Variants in FLG observed in about 807,000 individuals in gnomAD.
FLG encodes the protein filaggrin, also known as epidermal filaggrin.
FLG carries 6 observed loss-of-function variants against 3.8 expected under a neutral mutation model. The ratio of observed to expected loss-of-function variants is 1.60; its 90% CI spans 0.87 to 3.15. The LOEUF (loss-of-function observed/expected upper bound fraction) is 3.15, where lower values mean the gene tolerates loss of function less well. FLG is among the 30% of genes most tolerant of loss of function. The pLI is 0.00. For synonymous variants in FLG, 2,551 were observed against 1,931.6 expected (o/e 1.32, Z -8.41); for missense variants, 7,595 against 5,050.9 (o/e 1.50, Z -15.27).
Position 152,314,775 on chromosome 1 carries a change from A to T in FLG, c.139-28T>A, listed in dbSNP as rs556436445. On this transcript the variant is annotated intron_variant, in intron 2 of 2. Coordinates refer to ENST00000368799, the MANE Select transcript of FLG (RefSeq NM_002016.2). ...GTACAGAGGGAAGTCACAGAGGGAG[A>T]CTGCATCAGACAGAATCACATTATC... is the stretch of plus-strand genomic sequence containing the variant. 7.4e-6 allele frequency: 12 copies of T among 1,613,506 alleles called. No homozygotes were observed. In the South Asian group the frequency reaches 1.3e-4, roughly 18 times the overall value.
chr1:152,305,378 G>A lies in FLG; in HGVS notation c.9508C>T (p.Gln3170Ter). 1 of 1,607,988 alleles carries A rather than the reference G, an allele frequency of 6.2e-7. No individual in the cohort carries two copies. The highest frequency in any genetic ancestry group is 1.1e-5 in the South Asian group (1 of 90,318). The part of the protein sequence containing the change: ...SASRTTRNEE[Q>*]SGDSSRHSVS... ...GAGTGCCTGGAGCTGTCTCCTGATT[G>A]TTCCTCATTACGTGTTGTTCTGCTT... The change falls in exon 3 of 3, where the codon CAA becomes TAA. Residue 3170 changes from glutamine (Q) to a stop codon, truncating the protein, a stop_gained. Coordinates refer to ENST00000368799, the MANE Select transcript of FLG (RefSeq NM_002016.2). LOFTEE classifies it low-confidence loss of function (END_TRUNC).
rs1652679318 is a variant in FLG, at chr1:152,314,218, A to G, written c.668T>C (p.Met223Thr). 1 of 1,613,634 alleles carries G rather than the reference A, an allele frequency of 6.2e-7. No individual in the cohort carries two copies. The highest frequency in any genetic ancestry group is 1.1e-5 in the South Asian group (1 of 91,076). The change falls in exon 3 of 3, where the codon ATG becomes ACG. Residue 223 changes from methionine (M) to threonine (T), a missense_variant. Transcript: ENST00000368799. ...GVYDYENTGR[M>T]TQKWIQSGHI... is the part of the protein sequence containing the mutation. ...GCCTGATTGTATCCATTTTTGAGTC[A>G]TTCTTCCTGTATTTTCATAATCATA...
Position 152,311,467 on chromosome 1 carries a change from C to G in FLG, c.3419G>C (p.Arg1140Pro), listed in dbSNP as rs146853599. ...CTGCTCGTGGTGGGATCCTTGTCTT[C>G]GTCCAGTGCTGGTCCTGGTCCGCCC... ...AHGRTRTSTG[R>P]RQGSHHEQAR... Residue 1140 changes from arginine to proline, a missense_variant, in exon 3 of 3, where the codon CGA becomes CCA. By Grantham distance (103) the Arg-to-Pro change is moderately radical. Transcript: ENST00000368799. 1.6e-4 allele frequency: 260 copies of G among 1,613,828 alleles called. 1 individual carries two copies. In the African/African-American group the frequency reaches 3.1e-3, roughly 19 times the overall value.
rs1194399233 is a variant in FLG, at chr1:152,309,525, T to C, written c.5361A>G (p.Gly1787=). The C allele has an allele frequency of 2.3e-5, 37 of 1,613,714 alleles. 1 individual carries two copies. In the East Asian group the frequency reaches 7.8e-4, roughly 34 times the overall value. Residue 1787 remains glycine, a synonymous_variant, in exon 3 of 3, where the codon GGA becomes GGG. Coordinates refer to ENST00000368799, the MANE Select transcript of FLG (RefSeq NM_002016.2). ...SAHGRTGPST[G]GRQRSRHEQA... ...GCTCGTGGCGGGATCTTTGTCTTCCTCCAGTGCTGGGCCCTGTGCGTCCAT... is the reference window on the plus strand; with the variant it reads ...GCTCGTGGCGGGATCTTTGTCTTCCCCCAGTGCTGGGCCCTGTGCGTCCAT...
rs201688513 is a variant in FLG, at chr1:152,310,140, C to T, written c.4746G>A (p.Ala1582=). ...CCTGGCGCCTGCTTGTCTTGGACCC[C>T]GCTGATTCTCCCTGGCCCACCTGTG... ...RHSQVGQGES[A]GSKTSRRQGS... Residue 1582 remains alanine (A), a synonymous_variant, in exon 3 of 3, where the codon GCG becomes GCA. Transcript: ENST00000368799. The T allele has an allele frequency of 1.2e-4, 199 of 1,613,844 alleles. 1 individual carries two copies. Among genetic ancestry groups the T allele is most frequent in the Non-Finnish European group, 1.6e-4 (188 of 1,179,966 alleles).
chr1:152,309,078 C>A lies in FLG; in HGVS notation c.5808G>T (p.Gly1936=), dbSNP rs139181284. ...ATCCAAGATGGTTTCTGGAAGCAGA[C>A]CCAGACCACCTCTCAGAGTCTTCTG... ...GHSEDSERWS[G]SASRNHLGSA... is the part of the protein sequence containing the mutation. The change falls in exon 3 of 3, where the codon GGG becomes GGT. Residue 1936 remains glycine, a synonymous_variant. Coordinates refer to ENST00000368799, the MANE Select transcript of FLG (RefSeq NM_002016.2). 5.6e-6 allele frequency: 9 copies of A among 1,614,000 alleles called. No homozygotes were observed. In the Admixed American group the frequency reaches 8.3e-5, roughly 15 times the overall value.
rs748518677 is a variant in FLG, at chr1:152,310,203, G to A, written c.4683C>T (p.His1561=). 2.5e-6 allele frequency: 4 copies of A among 1,613,592 alleles called. No individual in the cohort carries two copies. In the African/African-American group the frequency reaches 4.0e-5, roughly 16 times the overall value. The change falls in exon 3 of 3, where the codon CAC becomes CAT. Residue 1561 remains histidine, a synonymous_variant. Coordinates refer to ENST00000368799, the MANE Select transcript of FLG (RefSeq NM_002016.2). Reference sequence around the variant, plus strand: ...TGCCGGCCCGAGTGGAAGGTTCATGGTGACGTGACCCTGAGTGCCTGGAGC... The same window carrying A: ...TGCCGGCCCGAGTGGAAGGTTCATGATGACGTGACCCTGAGTGCCTGGAGC... ...GDGSRHSGSR[H]HEPSTRAGSS...
rs529239965 is a variant in FLG at position 152,310,187 on chromosome 1, G to T, written c.4699C>A (p.Arg1567=). 3 of 1,613,644 alleles carry T rather than the reference G, an allele frequency of 1.9e-6. No individual in the cohort carries two copies. The highest frequency in any genetic ancestry group is 1.3e-5 in the African/African-American group (1 of 74,794). ...SGSRHHEPST[R]AGSSRHSQVG... ...TGTGAGTGTCTAGAGCTGCCGGCCC[G>T]AGTGGAAGGTTCATGGTGACGTGAC... The change falls in exon 3 of 3, where the codon CGG becomes AGG. Residue 1567 remains arginine, a synonymous_variant. Transcript: ENST00000368799.
chr1:152,310,611 C>A lies in FLG; in HGVS notation c.4275G>T (p.Glu1425Asp). The A allele has an allele frequency of 6.2e-7, 1 of 1,613,980 alleles. No individual in the cohort carries two copies. Among genetic ancestry groups the A allele is most frequent in the Non-Finnish European group, 8.5e-7 (1 of 1,179,996 alleles). ...TTTCCCCTGACTGGCCACGTGCGGA[C>A]TCTTTGTGGCTCTGCTGATGGGGCC... ...QAGPHQQSHK[E>D]SARGQSGESS... The change falls in exon 3 of 3, where the codon GAG becomes GAT. Residue 1425 changes from glutamate (E) to aspartate (D), a missense_variant. Physicochemically the swap from Glu to Asp is conservative, Grantham distance 45. Coordinates refer to ENST00000368799, the MANE Select transcript of FLG (RefSeq NM_002016.2).
In FLG at chr1:152,309,687, T is replaced by C. The variant is rs368391321; in HGVS notation, c.5199A>G (p.Ser1733=). The change falls in exon 3 of 3, where the codon TCA becomes TCG. Residue 1733 remains serine (S), a synonymous_variant. Coordinates refer to ENST00000368799, the MANE Select transcript of FLG (RefSeq NM_002016.2). The stretch of plus-strand genomic sequence containing the variant: ...GCCCAGCCTGTCCGTGGGCTGACAC[T>C]GACTGTGTGTCTGACTCTTCTGAGT... The part of the protein sequence containing the change: ...EGHSEESDTQ[S]VSAHGQAGPH... The C allele has an allele frequency of 1.2e-6, 2 of 1,613,936 alleles. No individual in the cohort carries two copies. The highest frequency in any genetic ancestry group is 2.7e-5 in the African/African-American group (2 of 75,000).
rs140963101 is a variant in FLG at position 152,311,611 on chromosome 1, T to G, written c.3275A>C (p.Asp1092Ala). Residue 1092 changes from aspartate to alanine, a missense_variant, in exon 3 of 3, where the codon GAT becomes GCT. Coordinates refer to ENST00000368799, the MANE Select transcript of FLG (RefSeq NM_002016.2). ...DTQSVSGHGQ[D>A]GPHQQSHQES... ...TTGGTGGCTCTGCTGATGGGGCCCA[T>G]CCTGTCCATGGCCTGACACTGACTG... 2.3e-4 allele frequency: 370 copies of G among 1,613,892 alleles called. 2 individuals are homozygous for G. The highest frequency in any genetic ancestry group is 1.6e-3 in the African/African-American group (122 of 74,980).
chr1:152,311,093 G>C lies in FLG; in HGVS notation c.3793C>G (p.His1265Asp). 1 of 1,613,896 alleles carries C rather than the reference G, an allele frequency of 6.2e-7. No homozygotes were observed. Among genetic ancestry groups the C allele is most frequent in the Non-Finnish European group, 8.5e-7 (1 of 1,179,968 alleles). Residue 1265 changes from histidine to aspartate, a missense_variant, in exon 3 of 3, where the codon CAC becomes GAC. Transcript: ENST00000368799. ...EQSSGSRTSR[H>D]QGSSVSQDSD... ...TCCTGGCTAACACTGGATCCCTGGT[G>C]CCTGCTTGTCCTGGACCCCGATGAT...
In FLG at chr1:152,311,768, A is replaced by C. The variant is rs1652446655; in HGVS notation, c.3118T>G (p.Ser1040Ala). 1.9e-6 allele frequency: 3 copies of C among 1,613,976 alleles called. No individual in the cohort carries two copies. The highest frequency in any genetic ancestry group is 1.6e-4 in the Middle Eastern group (1 of 6,062). Residue 1040 changes from serine (S) to alanine (A), a missense_variant, in exon 3 of 3, where the codon TCA becomes GCA. Coordinates refer to ENST00000368799, the MANE Select transcript of FLG (RefSeq NM_002016.2). ...CCTGAGTGTCTGGAGCTGTCTGCTG[A>C]CTGCTGGTGGCGGGATCCGTGTCTT... The part of the protein sequence containing the change: ...GERHGSRHQQ[S>A]ADSSRHSGIP...
chr1:152,324,950 T>A (rs1234518127), intron 1 of FLG, among the ~76,000 whole-genome samples: 1 of 151,916 alleles, frequency 6.6e-6, no homozygotes, highest in East Asian at 1.9e-4. Context: ...AATACATATT[T>A]GTTAAGTAAA....
chr1:152,303,666 C>A lies in FLG; in HGVS notation c.11220G>T (p.Glu3740Asp), dbSNP rs368703609. Residue 3740 changes from glutamate to aspartate, a missense_variant, in exon 3 of 3, where the codon GAG becomes GAT. Physicochemically the swap from Glu to Asp is conservative, Grantham distance 45. Transcript: ENST00000368799. ...STGGRQGSRH[E>D]QARDSSRHSA... ...AGTGCCTGGAGCTGTCTCGTGCCTG[C>A]TCGTGGCGGGATCCTTGTCTTCCTC... 15 of 1,613,838 alleles carry A rather than the reference C, an allele frequency of 9.3e-6. No homozygotes were observed. Among genetic ancestry groups the A allele is most frequent in the Admixed American group, 5.0e-5 (3 of 59,930 alleles).
At position 152,312,147 on chromosome 1, in the gene FLG, G is replaced by C. The variant is rs199849330; in HGVS notation, c.2739C>G (p.His913Gln). 1.3e-6 allele frequency: 2 copies of C among 1,591,800 alleles called. No individual in the cohort carries two copies. Among genetic ancestry groups the C allele is most frequent in the Admixed American group, 1.7e-5 (1 of 58,100 alleles). ...RDGSRHSGSR[H>Q]HEASSHADIS... ...TGTCGGCATGAGAGGAAGCTTCATG[G>C]TGACGTGACCCTGAGTGCCTGGAGC... is the stretch of plus-strand genomic sequence containing the variant. Residue 913 changes from histidine to glutamine, a missense_variant, in exon 3 of 3, where the codon CAC becomes CAG. By Grantham distance (24) the His-to-Gln change is conservative. Coordinates refer to ENST00000368799, the MANE Select transcript of FLG (RefSeq NM_002016.2).
Position 152,304,344 on chromosome 1 carries a change from G to C in FLG, c.10542C>G (p.Asp3514Glu). Reference sequence around the variant, plus strand: ...GGCCGGACTGTGAGTGTCTAGAGCTGTCCGCCTGAGTGGAAGCTTCATGGT... The same window carrying C: ...GGCCGGACTGTGAGTGTCTAGAGCTCTCCGCCTGAGTGGAAGCTTCATGGT... ...SHHHEASTQADSSRHSQSGQG... is the reference protein window; with the variant it reads ...SHHHEASTQAESSRHSQSGQG... Residue 3514 changes from aspartate to glutamate, a missense_variant, in exon 3 of 3, where the codon GAC becomes GAG. By Grantham distance (45) the Asp-to-Glu change is conservative. Coordinates refer to ENST00000368799, the MANE Select transcript of FLG (RefSeq NM_002016.2). 1 of 1,611,876 alleles carries C rather than the reference G, an allele frequency of 6.2e-7. No individual in the cohort carries two copies. The highest frequency in any genetic ancestry group is 8.5e-7 in the Non-Finnish European group (1 of 1,179,100).
rs750139387 is a variant in FLG at position 152,302,998 on chromosome 1, G to A, written c.11888C>T (p.Thr3963Ile). 5 of 1,613,640 alleles carry A rather than the reference G, an allele frequency of 3.1e-6. No homozygotes were observed. The highest frequency in any genetic ancestry group is 2.2e-5 in the East Asian group (1 of 44,884). The change falls in exon 3 of 3, where the codon ACT becomes ATT. Residue 3963 changes from threonine (T) to isoleucine (I), a missense_variant. Coordinates refer to ENST00000368799, the MANE Select transcript of FLG (RefSeq NM_002016.2). ...ACCTGATTGACCTTTTTGCCTTTCA[G>A]TGCCCTCAGATTGATAATGATAAGA... ...SSSYHYQSEG[T>I]ERQKGQSGLV...
chr1:152,308,738 G>A lies in FLG; in HGVS notation c.6148C>T (p.His2050Tyr). ...GACTGTGTGTCTGAGTCTTCTGAAT[G>A]TCCCTCACTGTCACTGGCCTGACTA... ...SGSQASDSEG[H>Y]SEDSDTQSVS... The change falls in exon 3 of 3, where the codon CAT (histidine) becomes TAT (tyrosine). Residue 2050 changes from histidine (H) to tyrosine (Y), a missense_variant. His to Tyr is a moderately conservative substitution (Grantham distance 83). Coordinates refer to ENST00000368799, the MANE Select transcript of FLG (RefSeq NM_002016.2). 2 of 1,614,138 alleles carry A rather than the reference G, an allele frequency of 1.2e-6. No homozygotes were observed. Among genetic ancestry groups the A allele is most frequent in the Non-Finnish European group, 1.7e-6 (2 of 1,180,010 alleles).
Sources: gnomAD v4.1 joint callset for allele counts (sites outside exome capture counted in the v4.1 genomes callset) on GRCh38, gnomAD v4.1.1 for gene constraint, MANE v1.5 for transcripts, NCBI Gene and HGNC (gene_info 2026-07-23, HGNC 2026-07-21) for gene names.